The following MTMR3 variants were observed in gnomAD, a reference collection of about 807,000 sequenced individuals.
The protein encoded by MTMR3 is phosphatidylinositol-3,5-bisphosphate 3-phosphatase MTMR3.
A neutral mutation model predicts 132.4 loss-of-function variants in MTMR3; 32 were observed. That is an observed-to-expected ratio of 0.24 (90% CI 0.18 to 0.32). The LOEUF (loss-of-function observed/expected upper bound fraction) is 0.32. MTMR3 is among the 10% of genes least tolerant of loss of function. The probability of loss-of-function intolerance (pLI) is 1.00; values close to 1 mark genes in which losing one functional copy is unlikely to be tolerated. For missense variants in MTMR3, 1,216 were observed against 1,489.6 expected, an observed-to-expected ratio of 0.82 and a Z score of 3.02; for synonymous variants, 556 against 550.3, an observed-to-expected ratio of 1.01 and a Z score of -0.14.
At chr22:29,906,971 G>T (rs573433815) in intron 1 of MTMR3, among the ~76,000 whole-genome samples, 1 of 151,908 alleles carries the variant, frequency 6.6e-6, no homozygotes, top group South Asian at 2.1e-4. Flanking sequence ...CCAGCTACTC[G>T]GGAGGCCGAG....
intron 2 of MTMR3, among the ~76,000 whole-genome samples, chr22:29,961,699 T>C (rs2066314681): frequency 6.6e-6 from 1 of 152,200 alleles, no homozygotes. Context: ...TTATAAAGTC[T>C]GTAGAAGTGT....
chr22:29,972,821 T>A (rs1354916547), intron 3 of MTMR3, among the ~76,000 whole-genome samples: 1 of 152,240 alleles, frequency 6.6e-6, no homozygotes, highest in Non-Finnish European at 1.5e-5. Flanking sequence ...TGTGCCTGCC[T>A]CAGTCTCCCA....
At chr22:30,002,785 C>A in intron 8 of MTMR3, 95 bp from the exon 9 acceptor site, 1 of 931,050 alleles carries the variant, frequency 1.1e-6, no homozygotes, top group East Asian at 2.5e-5. Context: ...GATCATCATC[C>A]TTATGCTGGC....
At position 29,929,597 on chromosome 22, in the gene MTMR3, C is replaced by T. The variant is rs542164579; in HGVS notation, c.-137-27439C>T. On this transcript the variant is annotated intron_variant, in intron 1 of 19. Transcript: ENST00000401950. ...CAATCTCGGCTCACTGCAACCTCCG[C>T]CTCCCAGGTTCAAGCGATTCTCCTG... Among the ~76,000 whole-genome samples, 294 of 152,004 alleles carry T rather than the reference C, an allele frequency of 1.9e-3. 2 individuals carry two copies. Among genetic ancestry groups the T allele is most frequent in the Non-Finnish European group, 4.3e-4 (29 of 67,976 alleles).
chr22:29,904,573 G>A (rs1033596568), intron 1 of MTMR3, among the ~76,000 whole-genome samples: 3 of 152,166 alleles, frequency 2.0e-5, no homozygotes, highest in Non-Finnish European at 2.9e-5. Flanking sequence ...TGAGATTTCA[G>A]CAAGTGCTTA....
At chr22:29,980,404 C>A (rs1171153604) in intron 5 of MTMR3, 1 of 152,142 alleles carries the variant, frequency 6.6e-6, no homozygotes, top group Non-Finnish European at 1.5e-5. Flanking sequence ...AGGAAAGAGG[C>A]AATGCTGTTC....
intron 7 of MTMR3, chr22:29,998,059 T>C (rs1473020135): frequency 6.6e-6 from 1 of 152,184 alleles, no homozygotes; most frequent in Non-Finnish European, 1.5e-5. Flanking sequence ...TTATTTCTTA[T>C]TAAGTGTACT....
At chr22:30,012,753 G>A (rs2067464717) in intron 13 of MTMR3, 190 bp downstream of exon 13, 3 of 534,238 alleles carry the variant, frequency 5.6e-6, no homozygotes, top group East Asian at 3.1e-5. Context: ...TTAAAATGGG[G>A]CAGATTATGG....
chr22:29,983,148 T>G (rs1435769076), intron 5 of MTMR3: 1 of 152,186 alleles, frequency 6.6e-6, no homozygotes, highest in Non-Finnish European at 1.5e-5. Flanking sequence ...TGAGTCCTTT[T>G]CCTCTTACTG....
Position 30,009,222 on chromosome 22 carries a change from A to AG in MTMR3, c.1121+93_1121+94insG, listed in dbSNP as rs1398372706. 4 of 881,620 alleles carry AG rather than the reference A, an allele frequency of 4.5e-6. No homozygotes were observed. In the East Asian group the frequency reaches 9.7e-5, roughly 21 times the overall value. 54.6% of individuals were successfully genotyped at this position (881,620 alleles called of 1,614,324 possible). ...CTAAGGGGGAAAAAAAGAAAAAAAA[A>AG]TTAATTTGGAGCAGTCTTTCCTTCT... is the stretch of plus-strand genomic sequence containing the variant. On this transcript the variant is annotated intron_variant, in intron 12 of 19. Transcript: ENST00000401950.
intron 2 of MTMR3, among the ~76,000 whole-genome samples, chr22:29,967,965 C>A (rs1157688039): frequency 6.8e-6 from 1 of 146,802 alleles, no homozygotes; most frequent in Non-Finnish European, 1.5e-5. Context: ...TTTGTTTATC[C>A]ATTCACATTT....
rs959874539 is a variant in MTMR3, at chr22:30,016,416, A to G, written c.1504-112A>G. 11 of 1,248,140 alleles carry G rather than the reference A, an allele frequency of 8.8e-6. No individual in the cohort carries two copies. The Admixed American group carries it at 2.2e-4, about 25-fold the overall frequency. The allele number at this position is 1,248,140 out of a possible 1,614,324, so 77.3% of individuals were successfully genotyped here. Reference sequence around the variant, plus strand: ...GGCTTACTGGGTTCCCCGTCCTGACAGAGTAAATTGAAGTGTTCTCAGGGA... The same window carrying G: ...GGCTTACTGGGTTCCCCGTCCTGACGGAGTAAATTGAAGTGTTCTCAGGGA... On this transcript the variant is annotated intron_variant, in intron 14 of 19. Coordinates refer to ENST00000401950, the MANE Select transcript of MTMR3 (RefSeq NM_021090.4).
At chr22:29,883,880 C>T (rs1320323697) in intron 1 of MTMR3, among the ~76,000 whole-genome samples, 2 of 152,168 alleles carry the variant, frequency 1.3e-5, no homozygotes, top group Non-Finnish European at 2.9e-5. Flanking sequence ...TGCAGCAGGG[C>T]ATCCCCCTGA....
intron 13 of MTMR3, 27 bp from the exon 14 acceptor site, chr22:30,013,329 T>C: frequency 6.2e-7 from 1 of 1,611,158 alleles, no homozygotes; most frequent in South Asian, 1.1e-5. Context: ...CTAGCACAAA[T>C]GGTCTCTCCT....
rs183218866 is a variant in MTMR3 at position 29,924,166 on chromosome 22, T to C, written c.-137-32870T>C. Among the ~76,000 whole-genome samples, 400 of 152,330 alleles carry C rather than the reference T, an allele frequency of 2.6e-3. 3 individuals are homozygous for C. The highest frequency in any genetic ancestry group is 9.2e-3 in the African/African-American group (382 of 41,578). On this transcript the variant is annotated intron_variant, in intron 1 of 19. Transcript: ENST00000401950. ...TCTAAGAGTCTTACAGTTTTAGCTCTTATAGTTAGGTCTTTGATCCATTTG... is the reference window on the plus strand; with the variant it reads ...TCTAAGAGTCTTACAGTTTTAGCTCCTATAGTTAGGTCTTTGATCCATTTG...
At chr22:29,940,254 C>T (rs1169826969) in intron 1 of MTMR3, among the ~76,000 whole-genome samples, 1 of 152,010 alleles carries the variant, frequency 6.6e-6, no homozygotes, top group Non-Finnish European at 1.5e-5. Context: ...GGGGACAGAG[C>T]GAGACTCCGT....
At chr22:29,894,655 A>G (rs147131682) in intron 1 of MTMR3, among the ~76,000 whole-genome samples, 2,565 of 152,218 alleles carry the variant, frequency 0.017, 27 homozygotes, top group Middle Eastern at 0.027. Context: ...TTATGACAGT[A>G]TAGGCTTATT....
At chr22:29,956,027 C>G (rs1312433038) in intron 1 of MTMR3, among the ~76,000 whole-genome samples, 1 of 152,160 alleles carries the variant, frequency 6.6e-6, no homozygotes, top group African/African-American at 2.4e-5. Context: ...GCTGGGATTA[C>G]AGGCATGAGC....
intron 2 of MTMR3, among the ~76,000 whole-genome samples, chr22:29,965,848 T>A (rs1465169263): frequency 6.6e-6 from 1 of 152,098 alleles, no homozygotes; most frequent in East Asian, 1.9e-4. Flanking sequence ...TCCGGGATGC[T>A]TGTGAGAGTT....
Sources: gnomAD v4.1 joint callset for allele counts (sites outside exome capture counted in the v4.1 genomes callset) on GRCh38, gnomAD v4.1.1 for gene constraint, MANE v1.5 for transcripts, NCBI Gene and HGNC (gene_info 2026-07-23, HGNC 2026-07-21) for gene names.